Variants in DNAH8 observed in about 807,000 individuals in gnomAD.
DNAH8 encodes the protein axonemal beta dynein heavy chain 8.
In DNAH8, 382 loss-of-function variants were observed where a neutral mutation model predicts 562.1. That is an observed-to-expected ratio of 0.68 (90% CI 0.63 to 0.74). DNAH8 has a LOEUF of 0.74. Among genes scored for constraint, DNAH8 ranks in the 30% least tolerant of loss-of-function variants. The pLI, the probability that DNAH8 is intolerant of heterozygous loss-of-function variation, is 0.00. For missense variants in DNAH8, 5,203 were observed against 5,620.4 expected, an observed-to-expected ratio of 0.93 and a Z score of 2.37; for synonymous variants, 1,881 against 1,919.4, an observed-to-expected ratio of 0.98 and a Z score of 0.52.
intron 63 of DNAH8, among the ~76,000 whole-genome samples, chr6:38,907,667 C>G (rs1322031665): frequency 6.6e-6 from 1 of 152,152 alleles, no homozygotes; most frequent in African/African-American, 2.4e-5. Flanking sequence ...AGTCAAAGTA[C>G]AGAGGGCACC....
At chr6:38,971,853 T>C in intron 83 of DNAH8, 188 bp downstream of exon 83, 1 of 453,648 alleles carries the variant, frequency 2.2e-6, no homozygotes, top group Admixed American at 4.0e-5. Flanking sequence ...CCATTTTCTA[T>C]AGTATATGCT....
chr6:38,891,830 T>C (rs1346941594), intron 58 of DNAH8, among the ~76,000 whole-genome samples: 1 of 152,230 alleles, frequency 6.6e-6, no homozygotes, highest in Non-Finnish European at 1.5e-5. Context: ...TTTTGGTATT[T>C]GGATGTTTCC....
chr6:38,824,425 C>G (rs183661230), intron 28 of DNAH8, among the ~76,000 whole-genome samples: 89 of 152,248 alleles, frequency 5.8e-4, no homozygotes, highest in Non-Finnish European at 1.2e-4. Context: ...GGGCCTGGCA[C>G]TGATAGGGTT....
intron 44 of DNAH8, among the ~76,000 whole-genome samples, chr6:38,863,352 G>A (rs531022021): frequency 1.3e-5 from 2 of 151,990 alleles, no homozygotes; most frequent in Non-Finnish European, 2.9e-5. Flanking sequence ...GCTTGAACCC[G>A]GGAGGCGGAG....
At chr6:38,826,615 A>G (rs1366438387) in intron 29 of DNAH8, among the ~76,000 whole-genome samples, 1 of 152,214 alleles carries the variant, frequency 6.6e-6, no homozygotes, top group East Asian at 1.9e-4. Context: ...TAATATATTA[A>G]TAATGCTATA....
intron 17 of DNAH8, among the ~76,000 whole-genome samples, chr6:38,786,171 A>G (rs1212067483): frequency 6.6e-6 from 1 of 152,222 alleles, no homozygotes; most frequent in South Asian, 2.1e-4. Context: ...AATAAAATAG[A>G]TATCTGAAAA....
chr6:38,993,682 T>C (rs893897462), intron 88 of DNAH8, among the ~76,000 whole-genome samples: 4 of 124,896 alleles, frequency 3.2e-5, no homozygotes, highest in African/African-American at 1.1e-4. Flanking sequence ...CTATATCTAT[T>C]GTGTTGTGTC....
chr6:38,958,332 T>A (rs536936387), intron 82 of DNAH8, among the ~76,000 whole-genome samples: 12 of 148,436 alleles, frequency 8.1e-5, no homozygotes, highest in Non-Finnish European at 8.9e-5. Context: ...GTACAAATGA[T>A]CAACAAAATG....
At chr6:38,735,871 G>C (rs1283453907) in intron 5 of DNAH8, among the ~76,000 whole-genome samples, 2 of 152,102 alleles carry the variant, frequency 1.3e-5, no homozygotes, top group East Asian at 1.9e-4. Context: ...AGTCGCAGTG[G>C]CTTACCCTGT....
chr6:38,728,118 T>C lies in DNAH8; in HGVS notation c.526-1784T>C, dbSNP rs1435874808. On this transcript the variant is annotated intron_variant, in intron 3 of 92. Transcript: ENST00000327475. ...GTAGCTGGGACCATTGGCACATACC[T>C]CTATGCCCAGCTAATTTTTTTGGTA... Among the ~76,000 whole-genome samples the C allele has an allele frequency of 3.9e-5, 6 of 152,094 alleles. No individual in the cohort carries two copies. The East Asian group carries it at 1.2e-3, about 29-fold the overall frequency.
chr6:38,875,167 C>T (rs553785041), intron 52 of DNAH8, among the ~76,000 whole-genome samples: 22 of 152,294 alleles, frequency 1.4e-4, no homozygotes, highest in African/African-American at 5.1e-4. Flanking sequence ...AGGTGGCCAG[C>T]CTCTAGGGCC....
intron 70 of DNAH8, among the ~76,000 whole-genome samples, chr6:38,918,450 G>A (rs1479996327): frequency 6.6e-6 from 1 of 152,124 alleles, no homozygotes; most frequent in African/African-American, 2.4e-5. Context: ...TGGAGATTAG[G>A]TTTGGAGGTT....
intron 82 of DNAH8, among the ~76,000 whole-genome samples, chr6:38,956,515 G>A (rs1762254844): frequency 6.6e-6 from 1 of 152,090 alleles, no homozygotes; most frequent in South Asian, 2.1e-4. Flanking sequence ...AAGTCCTGAA[G>A]GGCTCCGGTC....
intron 91 of DNAH8, among the ~76,000 whole-genome samples, chr6:39,026,228 T>C (rs1767269736): frequency 6.6e-6 from 1 of 152,240 alleles, no homozygotes; most frequent in Non-Finnish European, 1.5e-5. Flanking sequence ...AAATAGAGAC[T>C]GTGAGCTAGA....
At chr6:38,790,523 G>GT (rs1329183139) in intron 20 of DNAH8, 118 bp downstream of exon 20, 1 of 533,124 alleles carries the variant, frequency 1.9e-6, no homozygotes, top group African/African-American at 2.0e-5. Flanking sequence ...CATCCGTTAG[G>GT]TTTAAAATAT....
chr6:38,888,028 G>C (rs191225355), intron 57 of DNAH8, among the ~76,000 whole-genome samples: 6 of 151,656 alleles, frequency 4.0e-5, no homozygotes, highest in Non-Finnish European at 8.8e-5. Flanking sequence ...TAGTAGAGAC[G>C]GGGTTTCACC....
chr6:38,995,385 A>T (rs890231657), intron 88 of DNAH8, among the ~76,000 whole-genome samples: 4 of 152,192 alleles, frequency 2.6e-5, no homozygotes, highest in Admixed American at 6.5e-5. Context: ...TGGCATCTTT[A>T]TCAGGTTTAA....
At chr6:38,885,594 G>T (rs9357290) in intron 56 of DNAH8, among the ~76,000 whole-genome samples, 66,109 of 152,018 alleles carry the variant, frequency 0.43, 15,310 homozygotes, top group East Asian at 0.84. Flanking sequence ...CATTTTGACC[G>T]CCTCTCCCTC....
intron 11 of DNAH8, among the ~76,000 whole-genome samples, chr6:38,768,753 T>C (rs939533385): frequency 6.6e-6 from 1 of 152,208 alleles, no homozygotes; most frequent in Non-Finnish European, 1.5e-5. Flanking sequence ...ACTAATATTA[T>C]TTATCTTCTT....
Sources: allele counts gnomAD v4.1 joint callset (sites outside exome capture counted in the v4.1 genomes callset), GRCh38; gene constraint gnomAD v4.1.1; transcripts MANE v1.5; gene names NCBI Gene and HGNC (gene_info 2026-07-23, HGNC 2026-07-21).